Variants in ROBO2 observed in about 807,000 individuals in gnomAD.
ROBO2 encodes roundabout homolog 2.
A neutral mutation model predicts 160.8 loss-of-function variants in ROBO2; 53 were observed. The observed-to-expected ratio is 0.33, with a 90% CI of 0.26 to 0.41. ROBO2 has a LOEUF of 0.41. Ranked by LOEUF, ROBO2 falls within the 10% of genes least tolerant of loss-of-function variation. The pLI is 1.00. For missense variants in ROBO2, 1,577 were observed against 1,722.4 expected (o/e 0.92, Z 1.49); for synonymous variants, 664 against 611.7 (o/e 1.09, Z -1.26).
chr3:76,688,247 C>G (rs1165209540), intron 2 of ROBO2, among the ~76,000 whole-genome samples: 2 of 151,658 alleles, frequency 1.3e-5, no homozygotes, highest in Non-Finnish European at 2.9e-5. Flanking sequence ...TTCAGAAAAC[C>G]GCAAAATGAT....
chr3:76,359,507 G>A (rs1406845871), intron 2 of ROBO2, among the ~76,000 whole-genome samples: 1 of 152,002 alleles, frequency 6.6e-6, no homozygotes, highest in African/African-American at 2.4e-5. Context: ...AAACCTAAGT[G>A]CACTAGTGAA....
intron 1 of ROBO2, among the ~76,000 whole-genome samples, chr3:75,930,578 C>T (rs1184549615): frequency 6.6e-6 from 1 of 152,126 alleles, no homozygotes; most frequent in Non-Finnish European, 1.5e-5. Context: ...TACTAAACAG[C>T]TAATAATTTT....
intron 6 of ROBO2, 100 bp from the exon 7 acceptor site, chr3:77,527,303 T>C (rs1473792401): frequency 3.6e-6 from 3 of 832,760 alleles, no homozygotes; most frequent in Non-Finnish European, 3.4e-6. Context: ...CTATTGTCCA[T>C]ACTTAAATGT....
At chr3:76,335,040 T>C (rs2073771540) in intron 2 of ROBO2, among the ~76,000 whole-genome samples, 1 of 152,114 alleles carries the variant, frequency 6.6e-6, no homozygotes, top group African/African-American at 2.4e-5. Flanking sequence ...AAAAAAATTT[T>C]TTTTGTTTTT....
intron 2 of ROBO2, among the ~76,000 whole-genome samples, chr3:76,071,874 A>G (rs949428293): frequency 2.0e-5 from 3 of 152,132 alleles, no homozygotes; most frequent in Non-Finnish European, 4.4e-5. Context: ...TGTCAAGCTA[A>G]CACCTCTTTC....
intron 2 of ROBO2, among the ~76,000 whole-genome samples, chr3:76,631,018 G>A (rs1025124575): frequency 4.6e-5 from 7 of 152,122 alleles, no homozygotes; most frequent in African/African-American, 1.7e-4. Context: ...CTGAATGTGC[G>A]AGAATTTAGC....
At chr3:76,126,176 G>T (rs1436765423) in intron 2 of ROBO2, among the ~76,000 whole-genome samples, 2 of 152,286 alleles carry the variant, frequency 1.3e-5, no homozygotes, top group East Asian at 3.9e-4. Flanking sequence ...AAGGAAACAG[G>T]AGTGAATCAG....
intron 2 of ROBO2, among the ~76,000 whole-genome samples, chr3:76,167,751 A>G (rs72630363): frequency 4.6e-5 from 7 of 152,138 alleles, no homozygotes; most frequent in African/African-American, 1.4e-4. Flanking sequence ...CTTTCTTTAC[A>G]TATTTTATTT....
chr3:75,934,345 T>C (rs1576197760), intron 1 of ROBO2, among the ~76,000 whole-genome samples: 1 of 152,208 alleles, frequency 6.6e-6, no homozygotes, highest in South Asian at 2.1e-4. Context: ...AGTAGGCATT[T>C]AATATTTAAT....
intron 2 of ROBO2, among the ~76,000 whole-genome samples, chr3:76,387,415 C>A (rs1559862789): frequency 1.3e-5 from 2 of 151,930 alleles, no homozygotes; most frequent in African/African-American, 4.8e-5. Flanking sequence ...TATTAAAAAT[C>A]ATTATTAATA....
At chr3:76,580,328 G>GTTTTTTTTTTTTTTTTTTTTTTT (rs748888426) in intron 2 of ROBO2, among the ~76,000 whole-genome samples, 9 of 67,320 alleles carry the variant, frequency 1.3e-4, no homozygotes, top group Non-Finnish European at 2.2e-4. Flanking sequence ...TTTTTTTTTT[G>GTTTTTTTTTTTTTTTTTTTTTTT]TTTTTTTTTT....
In ROBO2 at chr3:77,398,276, T is replaced by C. The variant is rs555420470; in HGVS notation, c.389-79138T>C. Among the ~76,000 whole-genome samples the C allele has an allele frequency of 3.4e-4, 52 of 152,198 alleles. 2 individuals carry two copies. The South Asian group carries it at 0.011, about 32-fold the overall frequency. On this transcript the variant is annotated intron_variant, in intron 2 of 25. Coordinates refer to ENST00000461745, the Ensembl canonical transcript of ROBO2. The stretch of plus-strand genomic sequence containing the variant: ...GGAGGGAGTGAGTTAGTTTGGAATG[T>C]TAGCTTGGTGGAGAGAAGGGAGTGT...
intron 2 of ROBO2, among the ~76,000 whole-genome samples, chr3:76,104,098 A>G (rs539922474): frequency 1.3e-5 from 2 of 152,322 alleles, no homozygotes; most frequent in South Asian, 4.1e-4. Context: ...TCTTTAGCTT[A>G]TAGGCCAGTG....
chr3:76,055,606 T>C (rs2067814801), intron 2 of ROBO2, among the ~76,000 whole-genome samples: 1 of 152,204 alleles, frequency 6.6e-6, no homozygotes, highest in Non-Finnish European at 1.5e-5. Context: ...GATTTCCTGC[T>C]TCTGGGTTTG....
At chr3:76,058,248 C>T (rs1342244439) in intron 2 of ROBO2, among the ~76,000 whole-genome samples, 1 of 152,072 alleles carries the variant, frequency 6.6e-6, no homozygotes, top group East Asian at 1.9e-4. Context: ...TACTGTCCCT[C>T]CCATAACCCC....
At chr3:76,128,384 A>C (rs2071085475) in intron 2 of ROBO2, among the ~76,000 whole-genome samples, 1 of 152,176 alleles carries the variant, frequency 6.6e-6, no homozygotes, top group African/African-American at 2.4e-5. Context: ...AGGATGGCTC[A>C]GTTTCTAGTC....
intron 2 of ROBO2, among the ~76,000 whole-genome samples, chr3:77,206,420 G>T (rs1028770966): frequency 6.6e-6 from 1 of 151,914 alleles, no homozygotes; most frequent in African/African-American, 2.4e-5. Context: ...CGCCTGCTGT[G>T]GCCTCCTATA....
intron 2 of ROBO2, among the ~76,000 whole-genome samples, chr3:76,085,142 T>C (rs931860915): frequency 4.6e-4 from 69 of 149,128 alleles, no homozygotes; most frequent in African/African-American, 1.5e-3. Context: ...CACACACACA[T>C]ACGTATATAC....
chr3:76,912,966 T>A (rs2076083016), intron 2 of ROBO2, among the ~76,000 whole-genome samples: 2 of 151,510 alleles, frequency 1.3e-5, no homozygotes, highest in Admixed American at 6.6e-5. Flanking sequence ...AAAAAAAAAA[T>A]AGGTCTTATA....
Sources: allele counts gnomAD v4.1 joint callset (sites outside exome capture counted in the v4.1 genomes callset), GRCh38; gene constraint gnomAD v4.1.1; transcripts MANE v1.5; gene names NCBI Gene and HGNC (gene_info 2026-07-23, HGNC 2026-07-21).